Variants in DDX31 observed in about 807,000 individuals in gnomAD.
The protein encoded by DDX31 is DEAD-box helicase 31.
DDX31 carries 70 observed loss-of-function variants against 91.3 expected under a neutral mutation model. The observed-to-expected ratio is 0.77, with a 90% confidence interval of 0.63 to 0.94. The LOEUF is 0.94. Among genes scored for constraint, DDX31 ranks in the 40% least tolerant of loss-of-function variants. The pLI is 0.00. For missense variants in DDX31, 902 were observed against 925.0 expected, an observed-to-expected ratio of 0.98 and a Z score of 0.32; for synonymous variants, 362 against 350.6, an observed-to-expected ratio of 1.03 and a Z score of -0.36.
intron 13 of DDX31, among the ~76,000 whole-genome samples, chr9:132,644,315 G>A (rs1013824589): frequency 1.3e-5 from 2 of 152,046 alleles, no homozygotes; most frequent in African/African-American, 4.8e-5. Context: ...AGTAATAAAG[G>A]CACTTTAACA....
chr9:132,655,674 TA>T lies in DDX31; in HGVS notation c.588+2996del, dbSNP rs887892256. The stretch of plus-strand genomic sequence containing the variant: ...GTACATTATATCTAAAAAGTATTAA[TA>T]AAAAAAACAGAAGAAACCAAAGTAA... On this transcript the variant is annotated intron_variant, in intron 6 of 19. Coordinates refer to ENST00000372159, the MANE Select transcript of DDX31 (RefSeq NM_022779.9). Among the ~76,000 whole-genome samples, 7 of 151,976 alleles carry T rather than the reference TA, an allele frequency of 4.6e-5. No individual in the cohort carries two copies. In the South Asian group the frequency reaches 1.5e-3, roughly 32 times the overall value.
At chr9:132,622,345 C>T (rs1832082095) in intron 17 of DDX31, among the ~76,000 whole-genome samples, 1 of 152,196 alleles carries the variant, frequency 6.6e-6, no homozygotes, top group African/African-American at 2.4e-5. Context: ...TTGAGGCTGG[C>T]CTCAAGCCAG....
chr9:132,611,552 C>A (rs1425190790), intron 19 of DDX31, among the ~76,000 whole-genome samples: 4 of 152,142 alleles, frequency 2.6e-5, no homozygotes, highest in Non-Finnish European at 4.4e-5. Context: ...CTGGACAAGT[C>A]CTGAACATGC....
At chr9:132,665,386 AGAG>A (rs1835240972) in intron 1 of DDX31, among the ~76,000 whole-genome samples, 1 of 152,214 alleles carries the variant, frequency 6.6e-6, no homozygotes, top group Non-Finnish European at 1.5e-5. Flanking sequence ...ACACACTAGC[AGAG>A]GAGACAAAAG....
At chr9:132,626,000 T>G (rs2130623141) in intron 16 of DDX31, among the ~76,000 whole-genome samples, 1 of 152,308 alleles carries the variant, frequency 6.6e-6, no homozygotes, top group African/African-American at 2.4e-5. Flanking sequence ...TAGAATTTCC[T>G]TAATAGAGAT....
intron 19 of DDX31, among the ~76,000 whole-genome samples, chr9:132,596,145 G>C (rs306546): frequency 0.011 from 1,650 of 152,250 alleles, 36 homozygotes; most frequent in African/African-American, 0.038. Flanking sequence ...ACTACATTTA[G>C]AGCATTTTCT....
intron 3 of DDX31, 42 bp downstream of exon 3, chr9:132,662,219 C>T (rs372689700): frequency 2.5e-6 from 4 of 1,606,140 alleles, no homozygotes; most frequent in African/African-American, 2.7e-5. Context: ...CGGACAAACA[C>T]ACCAAAAAAA....
chr9:132,648,332 A>G (rs1380031813), intron 10 of DDX31, 37 bp from the exon 11 acceptor site: 2 of 1,606,048 alleles, frequency 1.2e-6, no homozygotes, highest in Non-Finnish European at 1.7e-6. Context: ...TTTCAACTAT[A>G]TGAAGAGCAG....
intron 14 of DDX31, among the ~76,000 whole-genome samples, chr9:132,634,596 T>G (rs972867324): frequency 1.3e-5 from 2 of 150,204 alleles, no homozygotes; most frequent in African/African-American, 4.9e-5. Flanking sequence ...TTTTTTTTTT[T>G]TTTTTTTTTT....
chr9:132,612,035 A>G, intron 19 of DDX31, 52 bp downstream of exon 19: 1 of 1,578,582 alleles, frequency 6.3e-7, no homozygotes, highest in East Asian at 2.3e-5. Context: ...ACATCACATC[A>G]TGTGAACGGA....
At chr9:132,619,003 T>C (rs549544689) in intron 17 of DDX31, among the ~76,000 whole-genome samples, 63 of 152,330 alleles carry the variant, frequency 4.1e-4, no homozygotes, top group African/African-American at 1.5e-3. Context: ...CCATGGCCAC[T>C]GTGGCCAGGA....
chr9:132,658,526 A>G, intron 6 of DDX31, 145 bp downstream of exon 6: 2 of 728,182 alleles, frequency 2.7e-6, no homozygotes, highest in South Asian at 3.5e-5. Context: ...GATACAACAC[A>G]TTTATGCAAT....
intron 1 of DDX31, among the ~76,000 whole-genome samples, chr9:132,668,336 C>T (rs1030469427): frequency 1.3e-5 from 2 of 152,082 alleles, no homozygotes; most frequent in Non-Finnish European, 2.9e-5. Context: ...TTTTCCTATC[C>T]CCCTCCATTG....
chr9:132,622,767 G>A (rs1832123621), intron 17 of DDX31, among the ~76,000 whole-genome samples: 1 of 152,186 alleles, frequency 6.6e-6, no homozygotes, highest in Non-Finnish European at 1.5e-5. Context: ...CCTGAGTCTG[G>A]GCTTTAATTC....
intron 17 of DDX31, among the ~76,000 whole-genome samples, chr9:132,624,386 G>C (rs1468980324): frequency 6.6e-6 from 1 of 152,106 alleles, no homozygotes; most frequent in African/African-American, 2.4e-5. Context: ...GACCAATGGA[G>C]TCTTTAACAG....
At chr9:132,634,311 A>C (rs1236454037) in intron 14 of DDX31, among the ~76,000 whole-genome samples, 1 of 152,198 alleles carries the variant, frequency 6.6e-6, no homozygotes, top group Admixed American at 6.5e-5. Context: ...TCCTTTACCT[A>C]GATTCTGCCA....
intron 16 of DDX31, among the ~76,000 whole-genome samples, chr9:132,629,157 T>C (rs745688977): frequency 1.3e-4 from 20 of 152,278 alleles, no homozygotes; most frequent in Non-Finnish European, 2.4e-4. Flanking sequence ...GACTGATCTA[T>C]ATGAGACTTC....
chr9:132,625,302 G>A (rs2130617974), intron 17 of DDX31, among the ~76,000 whole-genome samples: 1 of 152,218 alleles, frequency 6.6e-6, no homozygotes, highest in Non-Finnish European at 1.5e-5. Flanking sequence ...TGCTGTCTGG[G>A]ATAGGCAGGT....
intron 18 of DDX31, 57 bp downstream of exon 18, chr9:132,618,273 G>C (rs551621563): frequency 3.4e-5 from 49 of 1,459,662 alleles, no homozygotes; most frequent in Non-Finnish European, 4.1e-5. Context: ...GGGTGAAGGT[G>C]GGGGAGAGCA....
Sources: allele counts gnomAD v4.1 joint callset (sites outside exome capture counted in the v4.1 genomes callset), GRCh38; gene constraint gnomAD v4.1.1; transcripts MANE v1.5; gene names NCBI Gene and HGNC (gene_info 2026-07-23, HGNC 2026-07-21).